The following CYTH1 variants were observed in gnomAD, a reference collection of about 807,000 sequenced individuals.
CYTH1 encodes cytohesin-1.
A neutral mutation model predicts 61.8 loss-of-function variants in CYTH1; 18 were observed. That is an observed-to-expected ratio of 0.29 (90% CI 0.20 to 0.43). CYTH1 has a LOEUF of 0.43. Ranked by LOEUF, CYTH1 falls within the 20% of genes least tolerant of loss-of-function variation. The pLI, the probability that CYTH1 is intolerant of heterozygous loss-of-function variation, is 1.00. For missense variants in CYTH1, 336 were observed against 510.5 expected (o/e 0.66, Z 3.29); for synonymous variants, 174 against 184.3 (o/e 0.94, Z 0.45).
At chr17:78,686,034 G>A (rs1474860698) in intron 11 of CYTH1, among the ~76,000 whole-genome samples, 2 of 152,068 alleles carry the variant, frequency 1.3e-5, no homozygotes, top group Non-Finnish European at 2.9e-5. Flanking sequence ...GCAGATTCAG[G>A]GCTTTTTCCT....
intron 1 of CYTH1, among the ~76,000 whole-genome samples, chr17:78,754,661 T>C (rs1653180602): frequency 6.6e-6 from 1 of 152,194 alleles, no homozygotes; most frequent in Admixed American, 6.5e-5. Flanking sequence ...AATTGTGATT[T>C]TTAGTACAAG....
At chr17:78,750,901 T>C (rs909206299) in intron 1 of CYTH1, among the ~76,000 whole-genome samples, 21 of 152,276 alleles carry the variant, frequency 1.4e-4, no homozygotes, top group African/African-American at 5.1e-4. Context: ...TACAGACCTC[T>C]GGTCACACTT....
At chr17:78,724,480 G>A (rs1374319944) in intron 1 of CYTH1, among the ~76,000 whole-genome samples, 11 of 152,144 alleles carry the variant, frequency 7.2e-5, no homozygotes, top group Non-Finnish European at 1.5e-4. Flanking sequence ...TTGTGGTGGG[G>A]GCTTCCCTGT....
In CYTH1 at chr17:78,717,791, T is replaced by A. The variant is rs1432494898; in HGVS notation, c.23-8059A>T. Among the ~76,000 whole-genome samples, 2 of 152,106 alleles carry A rather than the reference T, an allele frequency of 1.3e-5. No individual in the cohort carries two copies. The highest frequency in any genetic ancestry group is 1.3e-4 in the Admixed American group (2 of 15,266). ...GCTGCCAGGACCACACTGTCCTAAA[T>A]CCCCGTGGGTACCGTCAAATGAACG... is the stretch of plus-strand genomic sequence containing the variant. On this transcript the variant is annotated intron_variant, in intron 1 of 13. Transcript: ENST00000446868. This position sits in a 1 kb window ranked among gnomAD's most constrained non-coding sequence, Gnocchi z 4.4.
At chr17:78,718,701 A>G (rs2093203461) in intron 1 of CYTH1, among the ~76,000 whole-genome samples, 1 of 152,248 alleles carries the variant, frequency 6.6e-6, no homozygotes, top group Non-Finnish European at 1.5e-5. Context: ...CTTTGGAGAC[A>G]TACCAATGTT....
intron 1 of CYTH1, among the ~76,000 whole-genome samples, chr17:78,718,919 G>A (rs967353595): frequency 2.0e-5 from 3 of 152,160 alleles, no homozygotes; most frequent in Admixed American, 2.0e-4. Context: ...CATCATTGAC[G>A]CATTCAGCCT....
intron 1 of CYTH1, among the ~76,000 whole-genome samples, chr17:78,760,387 A>ATATATATATAT: frequency 2.1e-5 from 1 of 47,940 alleles, no homozygotes; most frequent in Non-Finnish European, 4.2e-5. Flanking sequence ...ATATATATAC[A>ATATATATATAT]CACACATACA....
chr17:78,691,609 C>A (rs915474865), intron 11 of CYTH1: 1 of 152,190 alleles, frequency 6.6e-6, no homozygotes, highest in Admixed American at 6.5e-5. Context: ...CCTTGATTTA[C>A]TTTAAGACAA....
chr17:78,685,559 G>A (rs987891007), intron 11 of CYTH1, among the ~76,000 whole-genome samples: 5 of 152,108 alleles, frequency 3.3e-5, no homozygotes, highest in African/African-American at 2.4e-5. Context: ...CCATACTTAA[G>A]TATATTTTCG....
At chr17:78,699,174 G>C (rs1297654292) in intron 7 of CYTH1, among the ~76,000 whole-genome samples, 1 of 152,146 alleles carries the variant, frequency 6.6e-6, no homozygotes, top group African/African-American at 2.4e-5. Flanking sequence ...AGCCTAGCCT[G>C]ACCCACATGG....
intron 1 of CYTH1, among the ~76,000 whole-genome samples, chr17:78,710,011 G>A (rs2093111911): frequency 6.6e-6 from 1 of 152,176 alleles, no homozygotes; most frequent in Admixed American, 6.5e-5. Flanking sequence ...GAATGAAAAA[G>A]GATGAATATT....
At chr17:78,699,533 G>A (rs1356740222) in intron 7 of CYTH1, among the ~76,000 whole-genome samples, 1 of 152,170 alleles carries the variant, frequency 6.6e-6, no homozygotes, top group Non-Finnish European at 1.5e-5. Context: ...TACACACACT[G>A]TAGAAACTCT....
intron 1 of CYTH1, among the ~76,000 whole-genome samples, chr17:78,730,759 G>GGTTCACGCCGTTCTCCTGC (rs1183927810): frequency 6.6e-6 from 1 of 151,576 alleles, no homozygotes; most frequent in Non-Finnish European, 1.5e-5. Context: ...CCGCCTCCTG[G>GGTTCACGCCGTTCTCCTGC]GTTCACGCCG....
intron 1 of CYTH1, among the ~76,000 whole-genome samples, chr17:78,769,568 C>T (rs1170703363): frequency 6.6e-6 from 1 of 152,154 alleles, no homozygotes; most frequent in African/African-American, 2.4e-5. Context: ...CATGCACACA[C>T]CTGCCACATC....
chr17:78,701,616 G>A (rs1434273238), intron 6 of CYTH1, 55 bp downstream of exon 6: 4 of 1,522,836 alleles, frequency 2.6e-6, no homozygotes, highest in Non-Finnish European at 1.8e-6. Flanking sequence ...ACAGACTCAT[G>A]ATCAAAGGCT....
At chr17:78,760,405 A>ATG (rs1173412567) in intron 1 of CYTH1, among the ~76,000 whole-genome samples, 5 of 54,048 alleles carry the variant, frequency 9.3e-5, no homozygotes, top group African/African-American at 2.5e-4. Flanking sequence ...ACATATATAT[A>ATG]TGTGTATATA....
chr17:78,751,106 C>T (rs1298561902), intron 1 of CYTH1, among the ~76,000 whole-genome samples: 1 of 152,116 alleles, frequency 6.6e-6, no homozygotes, highest in Non-Finnish European at 1.5e-5. Flanking sequence ...ACCTTAGCCA[C>T]CTGAATAGCT....
chr17:78,738,785 C>G (rs1199016330), intron 1 of CYTH1, among the ~76,000 whole-genome samples: 1 of 152,194 alleles, frequency 6.6e-6, no homozygotes, highest in Non-Finnish European at 1.5e-5. Flanking sequence ...CTTCTGGTAT[C>G]AGGTCTGATT....
At chr17:78,771,107 A>G (rs1022924766) in intron 1 of CYTH1, among the ~76,000 whole-genome samples, 5 of 152,124 alleles carry the variant, frequency 3.3e-5, no homozygotes, top group Admixed American at 3.3e-4. Context: ...TACTAAAAAT[A>G]CAAAAATTAG....
Sources: allele counts gnomAD v4.1 joint callset (sites outside exome capture counted in the v4.1 genomes callset), GRCh38; gene constraint gnomAD v4.1.1; non-coding constraint Gnocchi (gnomAD v3.1); transcripts MANE v1.5; gene names NCBI Gene and HGNC (gene_info 2026-07-23, HGNC 2026-07-21).